Variants in SLC9C1 observed in about 807,000 individuals in gnomAD.
SLC9C1 encodes the protein solute carrier family 9 member C1.
SLC9C1 carries 97 observed loss-of-function variants against 140.9 expected under a neutral mutation model. The observed-to-expected ratio is 0.69, with a 90% CI of 0.58 to 0.82. SLC9C1 has a LOEUF of 0.82. Ranked by LOEUF, SLC9C1 falls within the 40% of genes least tolerant of loss-of-function variation. SLC9C1 has a pLI of 0.00. For synonymous variants in SLC9C1, 440 were observed against 442.6 expected (o/e 0.99, Z 0.07); for missense variants, 1,340 against 1,389.3 (o/e 0.96, Z 0.56).
At chr3:112,204,524 T>A in intron 16 of SLC9C1, 121 bp from the exon 17 acceptor site, 1 of 1,094,952 alleles carries the variant, frequency 9.1e-7, no homozygotes, top group Non-Finnish European at 1.3e-6. Flanking sequence ...GTATGAAATA[T>A]CCTCAGGAAA....
intron 1 of SLC9C1, among the ~76,000 whole-genome samples, chr3:112,288,524 A>G (rs1330921004): frequency 1.3e-5 from 2 of 152,248 alleles, no homozygotes; most frequent in African/African-American, 4.8e-5. Flanking sequence ...TGGGAGGCCA[A>G]GATGGGAGGA....
At chr3:112,144,554 CAA>C (rs1559997274) in intron 28 of SLC9C1, among the ~76,000 whole-genome samples, 1 of 152,018 alleles carries the variant, frequency 6.6e-6, no homozygotes, top group Non-Finnish European at 1.5e-5. Context: ...GCCATTTTAA[CAA>C]TATTGATTCT....
intron 26 of SLC9C1, among the ~76,000 whole-genome samples, chr3:112,165,449 G>C (rs569207120): frequency 2.0e-5 from 3 of 152,212 alleles, no homozygotes; most frequent in African/African-American, 7.2e-5. Flanking sequence ...TGGGGTTTTG[G>C]TGTGGATGTC....
At chr3:112,142,623 A>G (rs1018220273) in intron 28 of SLC9C1, among the ~76,000 whole-genome samples, 6 of 152,214 alleles carry the variant, frequency 3.9e-5, no homozygotes, top group Non-Finnish European at 8.8e-5. Context: ...AGATCAATGC[A>G]TTAAACATTA....
intron 12 of SLC9C1, among the ~76,000 whole-genome samples, chr3:112,236,113 T>C (rs2078979030): frequency 6.6e-6 from 1 of 152,190 alleles, no homozygotes; most frequent in African/African-American, 2.4e-5. Flanking sequence ...CTTTTTTTGG[T>C]TGGTAAGCTA....
At chr3:112,190,065 ATTTTTGC>A (rs2077621788) in intron 20 of SLC9C1, among the ~76,000 whole-genome samples, 3 of 152,024 alleles carry the variant, frequency 2.0e-5, no homozygotes, top group Admixed American at 6.6e-5. Context: ...AATGCTTGTG[ATTTTTGC>A]ACATTGGTTT....
chr3:112,244,389 G>C (rs978880485), intron 10 of SLC9C1, among the ~76,000 whole-genome samples: 5 of 152,152 alleles, frequency 3.3e-5, no homozygotes, highest in African/African-American at 1.2e-4. Flanking sequence ...GCACTTCCTG[G>C]TAGCTGAGAA....
At chr3:112,252,286 G>A (rs182143613) in intron 10 of SLC9C1, among the ~76,000 whole-genome samples, 48 of 152,130 alleles carry the variant, frequency 3.2e-4, no homozygotes, top group South Asian at 2.3e-3. Flanking sequence ...ACATGGGTCC[G>A]AGGTCCTAGT....
intron 3 of SLC9C1, 140 bp downstream of exon 3, chr3:112,280,543 G>A (rs755464767): frequency 9.0e-5 from 64 of 708,938 alleles, no homozygotes; most frequent in Non-Finnish European, 1.3e-4. Flanking sequence ...CATACCTGAC[G>A]TGATGCTAGC....
At position 112,277,736 on chromosome 3, in the gene SLC9C1, C is replaced by T. The variant is rs2080253892; in HGVS notation, c.443G>A (p.Ser148Asn). 3.1e-6 allele frequency: 5 copies of T among 1,608,878 alleles called. No homozygotes were observed. Among genetic ancestry groups the T allele is most frequent in the Non-Finnish European group, 4.2e-6 (5 of 1,177,610 alleles). Residue 148 changes from serine to asparagine, a missense_variant, in exon 5 of 29, where the codon AGT becomes AAT. Transcript: ENST00000305815. ...QWLLFSAILV[S>N]SDPMLTAAAI... The stretch of plus-strand genomic sequence containing the variant: ...AGCTGCGGTTAGCATGGGATCTGAA[C>T]TCACAAGGATAGCTGAAAATAATAA...
intron 2 of SLC9C1, among the ~76,000 whole-genome samples, chr3:112,286,192 G>A (rs2080502774): frequency 6.6e-6 from 1 of 152,104 alleles, no homozygotes; most frequent in Non-Finnish European, 1.5e-5. Context: ...TTAACTTTGT[G>A]TATTATTGTT....
intron 15 of SLC9C1, among the ~76,000 whole-genome samples, chr3:112,213,765 T>C (rs1169710244): frequency 6.6e-6 from 1 of 152,154 alleles, no homozygotes; most frequent in Admixed American, 6.5e-5. Context: ...AATGGGAGAC[T>C]TTAACACCCC....
chr3:112,238,669 T>A (rs2079058427), intron 12 of SLC9C1, among the ~76,000 whole-genome samples: 1 of 152,216 alleles, frequency 6.6e-6, no homozygotes, highest in East Asian at 1.9e-4. Flanking sequence ...TGTTTTTCCT[T>A]CTAACAGGCA....
Position 112,280,703 on chromosome 3 carries a change from A to C in SLC9C1, c.169T>G (p.Leu57Val). 6.2e-7 allele frequency: 1 copy of C among 1,610,884 alleles called. No individual in the cohort carries two copies. Among genetic ancestry groups the C allele is most frequent in the Non-Finnish European group, 8.5e-7 (1 of 1,179,140 alleles). ...CACACCTGTGAAGATGTAAAGCTTA[A>C]TACTTCAAAACTGCATCCAAGTAAA... is the stretch of plus-strand genomic sequence containing the variant. ...LFLLGCSFEV[L>V]SFTSSQVQRY... Residue 57 changes from leucine to valine, a missense_variant, in exon 3 of 29, where the codon TTA becomes GTA. By Grantham distance (32) the Leu-to-Val change is conservative (BLOSUM62 1). Transcript: ENST00000305815.
At chr3:112,268,409 T>C (rs1057317385) in intron 7 of SLC9C1, among the ~76,000 whole-genome samples, 4 of 152,230 alleles carry the variant, frequency 2.6e-5, no homozygotes, top group African/African-American at 4.8e-5. Flanking sequence ...TTTTCTATGC[T>C]TCAATTTATT....
intron 5 of SLC9C1, 66 bp downstream of exon 5, chr3:112,277,629 C>T: frequency 7.5e-7 from 1 of 1,328,850 alleles, no homozygotes; most frequent in Non-Finnish European, 9.9e-7. Context: ...AGCAAAAGAT[C>T]TTAAAATACA....
chr3:112,275,293 T>C (rs761323841), intron 5 of SLC9C1, among the ~76,000 whole-genome samples: 1 of 152,156 alleles, frequency 6.6e-6, no homozygotes, highest in African/African-American at 2.4e-5. Flanking sequence ...TGAGTTGTTC[T>C]ATATAAATAC....
intron 10 of SLC9C1, among the ~76,000 whole-genome samples, chr3:112,258,520 A>C (rs1374585052): frequency 6.6e-6 from 1 of 151,434 alleles, no homozygotes; most frequent in African/African-American, 2.4e-5. Context: ...GGCAACCTCC[A>C]CCTTTAGGGT....
chr3:112,238,285 C>T (rs756474413), intron 12 of SLC9C1, among the ~76,000 whole-genome samples: 15 of 152,174 alleles, frequency 9.9e-5, no homozygotes, highest in Admixed American at 1.3e-4. Flanking sequence ...ACGTAGTTCT[C>T]GTGCCATGGT....
Sources: allele counts gnomAD v4.1 joint callset (sites outside exome capture counted in the v4.1 genomes callset), GRCh38; gene constraint gnomAD v4.1.1; transcripts MANE v1.5; gene names NCBI Gene and HGNC (gene_info 2026-07-23, HGNC 2026-07-21).